Variants in LRRTM3 observed in about 807,000 individuals in gnomAD.
LRRTM3 encodes the protein leucine rich repeat transmembrane neuronal 3, also known as leucine-rich repeat transmembrane neuronal protein 3.
In LRRTM3, 24 loss-of-function variants were observed where a neutral mutation model predicts 44.7. That is an observed-to-expected ratio of 0.54 (90% CI 0.39 to 0.76). LRRTM3 has a LOEUF of 0.76. LRRTM3 is among the 30% of genes least tolerant of loss of function. The pLI, the probability that LRRTM3 is intolerant of heterozygous loss-of-function variation, is 0.00. For synonymous variants in LRRTM3, 277 were observed against 278.7 expected (o/e 0.99, Z 0.06); for missense variants, 587 against 702.2 (o/e 0.84, Z 1.85).
At chr10:67,016,929 A>G (rs1229975096) in intron 2 of LRRTM3, among the ~76,000 whole-genome samples, 5 of 152,174 alleles carry the variant, frequency 3.3e-5, no homozygotes, top group Non-Finnish European at 7.3e-5. Context: ...TACCATCAAA[A>G]TGTCTGGTTC....
intron 2 of LRRTM3, among the ~76,000 whole-genome samples, chr10:67,078,710 G>A (rs1304086303): frequency 6.6e-6 from 1 of 151,994 alleles, no homozygotes; most frequent in Non-Finnish European, 1.5e-5. Context: ...TAGACATGGG[G>A]TTTCACCATG....
intron 2 of LRRTM3, among the ~76,000 whole-genome samples, chr10:66,988,103 C>G: frequency 6.6e-6 from 1 of 152,118 alleles, no homozygotes; most frequent in East Asian, 1.9e-4. Flanking sequence ...TGAAGGAACA[C>G]AGGCTTTGAA....
Position 67,035,742 on chromosome 10 carries a change from C to T in LRRTM3, c.1537-61845C>T, listed in dbSNP as rs1468984767. ...ATCAGCTGAGTACATCACAGAAATG[C>T]TTTCACTGTATTGAGCTTTAATGTT... On this transcript the variant is annotated intron_variant, in intron 2 of 2. Coordinates refer to ENST00000361320, the MANE Select transcript of LRRTM3 (RefSeq NM_178011.5). Among the ~76,000 whole-genome samples the T allele has an allele frequency of 2.6e-5, 4 of 152,186 alleles. No homozygotes were observed. In the East Asian group the frequency reaches 5.8e-4, roughly 22 times the overall value.
chr10:66,934,755 T>C (rs1847595709), intron 2 of LRRTM3, among the ~76,000 whole-genome samples: 1 of 152,172 alleles, frequency 6.6e-6, no homozygotes, highest in Non-Finnish European at 1.5e-5. Flanking sequence ...GGGTAAAATA[T>C]AGTTTTTTTG....
At chr10:67,005,924 G>A (rs940699849) in intron 2 of LRRTM3, among the ~76,000 whole-genome samples, 2 of 151,640 alleles carry the variant, frequency 1.3e-5, no homozygotes, top group Non-Finnish European at 2.9e-5. Context: ...GTTCTCAGGT[G>A]ACCTGCCTGC....
intron 2 of LRRTM3, among the ~76,000 whole-genome samples, chr10:66,966,485 A>AT (rs35922630): frequency 0.19 from 28,216 of 150,598 alleles, 3,349 homozygotes; most frequent in South Asian, 0.3. Flanking sequence ...TATGTAATAT[A>AT]TTTTTTTTTT....
chr10:67,075,529 C>T (rs1358287613), intron 2 of LRRTM3, among the ~76,000 whole-genome samples: 3 of 152,118 alleles, frequency 2.0e-5, no homozygotes, highest in African/African-American at 7.2e-5. Context: ...TCCAACGTCA[C>T]GAGACTACAT....
chr10:67,058,932 C>A (rs1855599095), intron 2 of LRRTM3, among the ~76,000 whole-genome samples: 2 of 152,076 alleles, frequency 1.3e-5, no homozygotes, highest in Admixed American at 6.6e-5. Flanking sequence ...ACATTGTAAG[C>A]CATAAATCAC....
At position 67,099,730 on chromosome 10, in the gene LRRTM3, G is replaced by A. The variant is rs1481625744; in HGVS notation, c.*1934G>A. Reference sequence around the variant, plus strand: ...ACACAGTACTTGTGTCAACTATTTAGCATCCCAGATTTTGTAACATATTTT... The same window carrying A: ...ACACAGTACTTGTGTCAACTATTTAACATCCCAGATTTTGTAACATATTTT... On this transcript the variant is annotated 3_prime_UTR_variant, in exon 3 of 3. Coordinates refer to ENST00000361320, the MANE Select transcript of LRRTM3 (RefSeq NM_178011.5). The A allele has an allele frequency of 6.6e-6, 1 of 152,066 alleles. No homozygotes were observed. Among genetic ancestry groups the A allele is most frequent in the East Asian group, 1.9e-4 (1 of 5,158 alleles). 9.4% of individuals were successfully genotyped at this position (152,066 alleles called of 1,614,324 possible). A position where few individuals can be genotyped will look rare whatever the true frequency, so the allele number is the denominator to read the frequency against.
At chr10:67,051,290 C>T (rs1398738110) in intron 2 of LRRTM3, among the ~76,000 whole-genome samples, 1 of 152,082 alleles carries the variant, frequency 6.6e-6, no homozygotes, top group Non-Finnish European at 1.5e-5. Context: ...TTCTCTTACA[C>T]CTAACCTTAA....
intron 2 of LRRTM3, among the ~76,000 whole-genome samples, chr10:67,017,196 A>G (rs563160948): frequency 6.6e-6 from 1 of 152,332 alleles, no homozygotes; most frequent in South Asian, 2.1e-4. Flanking sequence ...AAGTGTTTTC[A>G]GGTCCATTTA....
In LRRTM3 at chr10:67,003,597, C is replaced by T. The variant is rs200960358; in HGVS notation, c.1536+75145C>T. 1.3e-3 allele frequency among the ~76,000 whole-genome samples: 199 copies of T among 152,280 alleles called. 1 individual carries two copies. Among genetic ancestry groups the T allele is most frequent in the East Asian group, 2.7e-3 (14 of 5,182 alleles). ...AAATATTTTATCTACATTTAACTCACGCAATTGCAAAACTTACTTAACCAT... is the reference window on the plus strand; with the variant it reads ...AAATATTTTATCTACATTTAACTCATGCAATTGCAAAACTTACTTAACCAT... On this transcript the variant is annotated intron_variant, in intron 2 of 2. Transcript: ENST00000361320.
At chr10:67,062,490 C>A (rs1461009884) in intron 2 of LRRTM3, among the ~76,000 whole-genome samples, 2 of 152,072 alleles carry the variant, frequency 1.3e-5, no homozygotes, top group Non-Finnish European at 2.9e-5. Flanking sequence ...TTCAATATTT[C>A]TCTAGCCATT....
At chr10:66,967,281 C>T (rs1198835871) in intron 2 of LRRTM3, among the ~76,000 whole-genome samples, 2 of 150,710 alleles carry the variant, frequency 1.3e-5, no homozygotes, top group Admixed American at 1.3e-4. Flanking sequence ...AGGTCATCTG[C>T]TAGTGGATAG....
intron 2 of LRRTM3, among the ~76,000 whole-genome samples, chr10:67,086,075 A>G (rs1857292671): frequency 6.6e-6 from 1 of 152,042 alleles, no homozygotes; most frequent in African/African-American, 2.4e-5. Flanking sequence ...AGGATATTCA[A>G]TAATGATGGA....
In LRRTM3 at chr10:67,100,281, C is replaced by G. The variant is rs1858264527; in HGVS notation, c.*2485C>G. Among the ~76,000 whole-genome samples the G allele has an allele frequency of 6.6e-6, 1 of 151,666 alleles. No individual in the cohort carries two copies. Among genetic ancestry groups the G allele is most frequent in the South Asian group, 2.1e-4 (1 of 4,814 alleles). ...CCTTGGAACCACAGCTCTGTGCAAC[C>G]AAGGCCCTAAGCTACACCAAATACG... On this transcript the variant is annotated 3_prime_UTR_variant, in exon 3 of 3. Transcript: ENST00000361320.
At chr10:67,024,358 C>T (rs1469109833) in intron 2 of LRRTM3, among the ~76,000 whole-genome samples, 2 of 152,174 alleles carry the variant, frequency 1.3e-5, no homozygotes, top group Non-Finnish European at 2.9e-5. Context: ...CTTACAAAGA[C>T]CTTTGCAGGT....
Position 66,949,165 on chromosome 10 carries a change from T to A in LRRTM3, c.1536+20713T>A, listed in dbSNP as rs73331652. On this transcript the variant is annotated intron_variant, in intron 2 of 2. Coordinates refer to ENST00000361320, the MANE Select transcript of LRRTM3 (RefSeq NM_178011.5). ...AAGAATGCAGGCAAATTTCTATGAT[T>A]AGTATTTATTCAAATATATATTTTG... 6.8e-3 allele frequency among the ~76,000 whole-genome samples: 1,036 copies of A among 152,356 alleles called. 11 individuals carry two copies. Among genetic ancestry groups the A allele is most frequent in the African/African-American group, 0.024 (988 of 41,582 alleles).
At chr10:66,951,149 GC>G in intron 2 of LRRTM3, among the ~76,000 whole-genome samples, 1 of 146,056 alleles carries the variant, frequency 6.8e-6, no homozygotes, top group African/African-American at 2.5e-5. Context: ...ACAGAGTCTT[GC>G]TCTGTCACCT....
Sources: allele counts gnomAD v4.1 joint callset (sites outside exome capture counted in the v4.1 genomes callset), GRCh38; gene constraint gnomAD v4.1.1; transcripts MANE v1.5; gene names NCBI Gene and HGNC (gene_info 2026-07-23, HGNC 2026-07-21).